Variants in SAMD4A observed in about 807,000 individuals in gnomAD.
SAMD4A encodes the protein sterile alpha motif domain containing 4A.
A neutral mutation model predicts 81.3 loss-of-function variants in SAMD4A; 33 were observed. That is an observed-to-expected ratio of 0.41 (90% CI 0.31 to 0.54). The LOEUF is 0.54. Among genes scored for constraint, SAMD4A ranks in the 20% least tolerant of loss-of-function variants. SAMD4A has a pLI of 0.37. For missense variants in SAMD4A, 854 were observed against 951.1 expected (o/e 0.90, Z 1.34); for synonymous variants, 389 against 382.1 (o/e 1.02, Z -0.21).
At chr14:54,595,308 A>G (rs1034004622) in intron 2 of SAMD4A, among the ~76,000 whole-genome samples, 2 of 151,974 alleles carry the variant, frequency 1.3e-5, no homozygotes, top group African/African-American at 4.8e-5. Flanking sequence ...TAAGTATACA[A>G]TCACATACAT....
chr14:54,755,108 C>T (rs1309335636), intron 6 of SAMD4A, among the ~76,000 whole-genome samples: 4 of 152,140 alleles, frequency 2.6e-5, no homozygotes, highest in Non-Finnish European at 5.9e-5. Flanking sequence ...CATTAGGAAA[C>T]TATAGCAAGT....
chr14:54,752,306 G>A (rs1200583723), intron 6 of SAMD4A, among the ~76,000 whole-genome samples: 2 of 152,170 alleles, frequency 1.3e-5, no homozygotes, highest in African/African-American at 4.8e-5. Flanking sequence ...TCCAAAGGAG[G>A]GCAGGCCTCA....
intron 2 of SAMD4A, among the ~76,000 whole-genome samples, chr14:54,637,614 GAGAA>G (rs2035068346): frequency 6.6e-6 from 1 of 152,132 alleles, no homozygotes; most frequent in Admixed American, 6.5e-5. Context: ...AGGGAATAGT[GAGAA>G]AGAGCCTCGT....
chr14:54,593,556 G>A (rs749635478), intron 2 of SAMD4A, among the ~76,000 whole-genome samples: 1 of 152,164 alleles, frequency 6.6e-6, no homozygotes, highest in Non-Finnish European at 1.5e-5. Flanking sequence ...AAGAGGAGAT[G>A]ATTTCAGGAG....
chr14:54,784,416 A>G (rs763837431), intron 11 of SAMD4A, 121 bp from the exon 12 acceptor site: 1 of 1,603,034 alleles, frequency 6.2e-7, no homozygotes, highest in Non-Finnish European at 8.5e-7. Flanking sequence ...CTTCCATGCC[A>G]GCGCTGACAG....
chr14:54,788,244 C>T (rs2039189897), intron 12 of SAMD4A, among the ~76,000 whole-genome samples: 1 of 152,170 alleles, frequency 6.6e-6, no homozygotes, highest in Non-Finnish European at 1.5e-5. Context: ...GTCACAGCCA[C>T]CTTGTCCCCA....
chr14:54,779,138 C>A (rs1237533026), intron 11 of SAMD4A, among the ~76,000 whole-genome samples: 3 of 152,208 alleles, frequency 2.0e-5, no homozygotes, highest in African/African-American at 7.2e-5. Flanking sequence ...GCCTCTTCTG[C>A]AGATGGGCCT....
chr14:54,726,059 T>C (rs538922724), intron 3 of SAMD4A, among the ~76,000 whole-genome samples: 1 of 152,088 alleles, frequency 6.6e-6, no homozygotes, highest in Admixed American at 6.6e-5. Flanking sequence ...TCCCAGTTGA[T>C]GCCAATGCTA....
chr14:54,677,041 G>A (rs1006089517), intron 2 of SAMD4A, among the ~76,000 whole-genome samples: 5 of 152,140 alleles, frequency 3.3e-5, no homozygotes, highest in Non-Finnish European at 7.3e-5. Flanking sequence ...TGTTTCCGTC[G>A]TTTAGTTATC....
At chr14:54,632,006 G>A (rs1414129829) in intron 2 of SAMD4A, among the ~76,000 whole-genome samples, 2 of 152,190 alleles carry the variant, frequency 1.3e-5, no homozygotes, top group Non-Finnish European at 2.9e-5. Flanking sequence ...CTGGGGGTAT[G>A]GCACTGAACT....
intron 11 of SAMD4A, among the ~76,000 whole-genome samples, chr14:54,780,115 A>G (rs559338427): frequency 6.6e-6 from 1 of 152,268 alleles, no homozygotes; most frequent in African/African-American, 2.4e-5. Flanking sequence ...GCCTAACAGA[A>G]AAGGGCAGGG....
At chr14:54,582,931 G>A (rs1400814331) in intron 2 of SAMD4A, among the ~76,000 whole-genome samples, 1 of 152,092 alleles carries the variant, frequency 6.6e-6, no homozygotes, top group Non-Finnish European at 1.5e-5. Flanking sequence ...TTTAACTTTT[G>A]TATAGCTTAA....
chr14:54,758,120 C>A (rs910390566), intron 6 of SAMD4A, among the ~76,000 whole-genome samples: 1 of 152,232 alleles, frequency 6.6e-6, no homozygotes, highest in East Asian at 1.9e-4. Context: ...AAGGGACTTT[C>A]TCCCCTAAAA....
chr14:54,767,039 G>A (rs1335123648), intron 8 of SAMD4A, among the ~76,000 whole-genome samples: 1 of 152,196 alleles, frequency 6.6e-6, no homozygotes, highest in African/African-American at 2.4e-5. Flanking sequence ...GAAGGAGCTG[G>A]TGAGGTGTCT....
intron 8 of SAMD4A, among the ~76,000 whole-genome samples, chr14:54,769,272 A>T (rs1049054377): frequency 6.6e-6 from 1 of 152,218 alleles, no homozygotes; most frequent in Admixed American, 6.5e-5. Context: ...GGCTCTGGGC[A>T]TGTGGAAGGG....
intron 2 of SAMD4A, among the ~76,000 whole-genome samples, chr14:54,683,466 TA>T (rs1362686331): frequency 6.6e-6 from 1 of 152,220 alleles, no homozygotes; most frequent in East Asian, 1.9e-4. Flanking sequence ...ATCAGATCTA[TA>T]ACCATCCACG....
intron 8 of SAMD4A, among the ~76,000 whole-genome samples, chr14:54,768,063 C>T (rs2038599074): frequency 6.6e-6 from 1 of 152,234 alleles, no homozygotes; most frequent in South Asian, 2.1e-4. Flanking sequence ...TTAGGAAGCA[C>T]ATCCATGAAA....
chr14:54,610,547 C>T (rs2034326524), intron 2 of SAMD4A, among the ~76,000 whole-genome samples: 1 of 152,206 alleles, frequency 6.6e-6, no homozygotes, highest in Non-Finnish European at 1.5e-5. Flanking sequence ...TCTGCCTCTA[C>T]AACTGGGGGT....
intron 2 of SAMD4A, among the ~76,000 whole-genome samples, chr14:54,691,549 CAA>C (rs10610242): frequency 0.017 from 1,712 of 100,992 alleles, 24 homozygotes; most frequent in African/African-American, 0.024. Flanking sequence ...CTTCCCTTCT[CAA>C]AAAAAAAAAA....
Sources: allele counts gnomAD v4.1 joint callset (sites outside exome capture counted in the v4.1 genomes callset), GRCh38; gene constraint gnomAD v4.1.1; transcripts MANE v1.5; gene names NCBI Gene and HGNC (gene_info 2026-07-23, HGNC 2026-07-21).